SBF2: variants seen among roughly 807,000 people sequenced by gnomAD.
The protein encoded by SBF2 is myotubularin-related protein 13.
In SBF2, 112 loss-of-function variants were observed where a neutral mutation model predicts 225.2. The observed-to-expected ratio is 0.50, with a 90% CI of 0.43 to 0.58. SBF2 has a LOEUF of 0.58. SBF2 is among the 20% of genes least tolerant of loss of function. The pLI, the probability that SBF2 is intolerant of heterozygous loss-of-function variation, is 0.00. For synonymous variants in SBF2, 763 were observed against 773.3 expected, an observed-to-expected ratio of 0.99 and a Z score of 0.22; for missense variants, 1,996 against 2,206.2, an observed-to-expected ratio of 0.90 and a Z score of 1.91.
At chr11:10,137,562 G>A (rs982360098) in intron 2 of SBF2, among the ~76,000 whole-genome samples, 2 of 152,158 alleles carry the variant, frequency 1.3e-5, no homozygotes, top group African/African-American at 4.8e-5. Flanking sequence ...AGCTGAAGCA[G>A]TTCCCCTCTA....
At position 9,816,915 on chromosome 11, in the gene SBF2, G is replaced by A. The variant is rs762917234; in HGVS notation, c.3903C>T (p.Asn1301=). 3 of 1,614,184 alleles carry A rather than the reference G, an allele frequency of 1.9e-6. No individual in the cohort carries two copies. The highest frequency in any genetic ancestry group is 2.5e-6 in the Non-Finnish European group (3 of 1,180,036). Residue 1301 remains asparagine (N), a synonymous_variant, in exon 29 of 40, where the codon AAC becomes AAT. Coordinates refer to ENST00000256190, the MANE Select transcript of SBF2 (RefSeq NM_030962.4). ...AGAGCTGGTTTTGTAGGTAGCTGCT[G>A]TTACTGAAGGAGGCCGAGTGATCCT... ...AGKDHSASFS[N]SSYLQNQLLK...
At chr11:9,817,349 C>A (rs1396775978) in intron 28 of SBF2, among the ~76,000 whole-genome samples, 1 of 152,008 alleles carries the variant, frequency 6.6e-6, no homozygotes, top group Non-Finnish European at 1.5e-5. Context: ...GAAAACAAAA[C>A]ATGCTGGCAG....
chr11:10,277,794 C>A (rs1349438159), intron 1 of SBF2, among the ~76,000 whole-genome samples: 2 of 152,102 alleles, frequency 1.3e-5, no homozygotes, highest in Admixed American at 1.3e-4. Context: ...AATCAAGGAG[C>A]CCCTGGGGCC....
chr11:10,248,103 A>T (rs971201750), intron 1 of SBF2, among the ~76,000 whole-genome samples: 1 of 152,230 alleles, frequency 6.6e-6, no homozygotes, highest in Non-Finnish European at 1.5e-5. Context: ...GGAGCATTAC[A>T]TTCTAGATAA....
chr11:10,225,561 C>A (rs1315177373), intron 1 of SBF2, among the ~76,000 whole-genome samples: 1 of 151,946 alleles, frequency 6.6e-6, no homozygotes, highest in African/African-American at 2.4e-5. Flanking sequence ...ATAAGTGATC[C>A]ATTTTTGTGT....
chr11:10,143,972 G>A (rs1954772119), intron 2 of SBF2, among the ~76,000 whole-genome samples: 1 of 152,128 alleles, frequency 6.6e-6, no homozygotes, highest in Non-Finnish European at 1.5e-5. Context: ...GCCCGTCTCG[G>A]CCTCCCAAAG....
chr11:10,261,466 G>GTGC (rs1166877766), intron 1 of SBF2, among the ~76,000 whole-genome samples: 1 of 152,160 alleles, frequency 6.6e-6, no homozygotes, highest in Admixed American at 6.5e-5. Context: ...GCCCCCCAAA[G>GTGC]TGCTGGGATT....
chr11:10,248,643 G>A, intron 1 of SBF2, among the ~76,000 whole-genome samples: 1 of 152,240 alleles, frequency 6.6e-6, no homozygotes, highest in East Asian at 1.9e-4. Context: ...CATGCAAGGT[G>A]TGTAAAGAAA....
intron 29 of SBF2, among the ~76,000 whole-genome samples, chr11:9,812,919 CA>C (rs1726164192): frequency 1.3e-5 from 2 of 152,208 alleles, no homozygotes; most frequent in African/African-American, 4.8e-5. Flanking sequence ...CCCAGAATGG[CA>C]AATCTAGTCC....
chr11:10,127,005 A>C (rs1241861103), intron 2 of SBF2, among the ~76,000 whole-genome samples: 1 of 152,076 alleles, frequency 6.6e-6, no homozygotes, highest in East Asian at 1.9e-4. Context: ...GAGACATACA[A>C]GGGAACAGAG....
In SBF2 at chr11:9,809,175, GAC is replaced by G. The variant is rs1439436153; in HGVS notation, c.4156-175_4156-174del. 4 of 578,824 alleles carry G rather than the reference GAC, an allele frequency of 6.9e-6. No individual in the cohort carries two copies. In the East Asian group the frequency reaches 1.3e-4, roughly 18 times the overall value. The allele number at this position is 578,824 out of a possible 1,614,324, so 35.9% of individuals were successfully genotyped here. The stretch of plus-strand genomic sequence containing the variant: ...TTCTTTCAAATCAAGATTAAACAAT[GAC>G]ACTTTTGACTGGATGCAATGACTCA... On this transcript the variant is annotated intron_variant, in intron 30 of 39. Coordinates refer to ENST00000256190, the MANE Select transcript of SBF2 (RefSeq NM_030962.4).
At chr11:10,248,222 A>C (rs1299364038) in intron 1 of SBF2, among the ~76,000 whole-genome samples, 1 of 152,244 alleles carries the variant, frequency 6.6e-6, no homozygotes, top group Non-Finnish European at 1.5e-5. Context: ...GTTTGTCCTA[A>C]AGCTAAAGTA....
rs1173163756 is a variant in SBF2, at chr11:9,931,414, A to G, written c.1860+30543T>C. ...CTGGGACGAAGCTTTCAGAGGAAGG[A>G]TCAGGCAGCAGTATTTGCTGTTCTG... is the stretch of plus-strand genomic sequence containing the variant. On this transcript the variant is annotated intron_variant, in intron 16 of 39. Transcript: ENST00000256190. 2.0e-5 allele frequency among the ~76,000 whole-genome samples: 3 copies of G among 152,334 alleles called. 1 individual carries two copies. The South Asian group carries it at 6.2e-4, about 32-fold the overall frequency.
At chr11:9,817,843 C>A (rs1854540696) in intron 28 of SBF2, among the ~76,000 whole-genome samples, 1 of 151,914 alleles carries the variant, frequency 6.6e-6, no homozygotes, top group African/African-American at 2.4e-5. Context: ...TTGCAGTGAG[C>A]CAAGATAGCG....
chr11:9,856,940 A>C (rs1280642423), intron 18 of SBF2, among the ~76,000 whole-genome samples: 1 of 151,996 alleles, frequency 6.6e-6, no homozygotes, highest in Non-Finnish European at 1.5e-5. Context: ...GTCACCTGCC[A>C]CCACGCCCAG....
intron 17 of SBF2, among the ~76,000 whole-genome samples, chr11:9,866,447 C>T (rs1858230024): frequency 6.6e-6 from 1 of 152,128 alleles, no homozygotes; most frequent in Non-Finnish European, 1.5e-5. Flanking sequence ...AACTGATTTT[C>T]CACAAAGGTG....
intron 14 of SBF2, 94 bp from the exon 15 acceptor site, chr11:9,963,976 C>A (rs555939994): frequency 2.1e-5 from 16 of 751,158 alleles, no homozygotes; most frequent in Non-Finnish European, 3.4e-5. Context: ...GTAGGTTGGG[C>A]GTGGAGGCTC....
intron 2 of SBF2, among the ~76,000 whole-genome samples, chr11:10,066,680 A>G (rs1950634753): frequency 6.6e-6 from 1 of 152,168 alleles, no homozygotes. Flanking sequence ...AATGTTGAAA[A>G]ACCGAATGCT....
At chr11:10,106,593 C>A (rs1202884931) in intron 2 of SBF2, among the ~76,000 whole-genome samples, 1 of 147,932 alleles carries the variant, frequency 6.8e-6, no homozygotes, top group Non-Finnish European at 1.5e-5. Flanking sequence ...CGCACCACTG[C>A]ACTCCAGCCT....
Sources: allele counts gnomAD v4.1 joint callset (sites outside exome capture counted in the v4.1 genomes callset), GRCh38; gene constraint gnomAD v4.1.1; transcripts MANE v1.5; gene names NCBI Gene and HGNC (gene_info 2026-07-23, HGNC 2026-07-21).